RFX7: variants seen among roughly 807,000 people sequenced by gnomAD.
The protein encoded by RFX7 is DNA-binding protein RFX7.
Under a neutral mutation model 111.8 loss-of-function variants are expected in RFX7, and 26 were observed. The observed-to-expected ratio is 0.23, with a 90% CI of 0.17 to 0.32. RFX7 has a LOEUF of 0.32. RFX7 is among the 10% of genes least tolerant of loss of function. RFX7 has a pLI of 1.00. For missense variants in RFX7, 1,573 were observed against 1,772.9 expected (o/e 0.89, Z 2.02); for synonymous variants, 624 against 624.4 (o/e 1.00, Z 0.01).
chr15:56,227,026 C>T (rs2043493230), intron 2 of RFX7, among the ~76,000 whole-genome samples: 1 of 152,042 alleles, frequency 6.6e-6, no homozygotes, highest in East Asian at 1.9e-4. Flanking sequence ...AATCAGAATC[C>T]ACATAAGAAG....
intron 5 of RFX7, among the ~76,000 whole-genome samples, chr15:56,116,073 C>A (rs773045773): frequency 2.0e-5 from 3 of 152,128 alleles, no homozygotes; most frequent in Non-Finnish European, 4.4e-5. Flanking sequence ...CCTGAGTAAC[C>A]ATCTCTCATC....
intron 2 of RFX7, among the ~76,000 whole-genome samples, chr15:56,183,651 A>AC (rs1408461234): frequency 6.6e-6 from 1 of 151,928 alleles, no homozygotes; most frequent in Non-Finnish European, 1.5e-5. Context: ...TGATTGCATG[A>AC]CCCCCCTTGT....
chr15:56,143,630 TC>T (rs1445957711), intron 4 of RFX7, among the ~76,000 whole-genome samples: 3 of 152,064 alleles, frequency 2.0e-5, no homozygotes, highest in Non-Finnish European at 4.4e-5. Context: ...GTGACATCCA[TC>T]TCAGCTATCT....
At chr15:56,223,777 G>C (rs2043451223) in intron 2 of RFX7, among the ~76,000 whole-genome samples, 1 of 152,014 alleles carries the variant, frequency 6.6e-6, no homozygotes, top group Non-Finnish European at 1.5e-5. Flanking sequence ...TGCTACCTCA[G>C]TTTACTTTAT....
intron 2 of RFX7, among the ~76,000 whole-genome samples, chr15:56,216,696 C>T (rs1346395975): frequency 6.6e-6 from 1 of 152,074 alleles, no homozygotes; most frequent in Admixed American, 6.6e-5. Flanking sequence ...CAACTTTCCC[C>T]CCAAGTACAA....
intron 2 of RFX7, among the ~76,000 whole-genome samples, chr15:56,240,486 C>T (rs1190978851): frequency 6.6e-6 from 1 of 152,066 alleles, no homozygotes; most frequent in African/African-American, 2.4e-5. Context: ...ATACTTTTAT[C>T]AAACCATATT....
chr15:56,223,021 T>C (rs1323666541), intron 2 of RFX7, among the ~76,000 whole-genome samples: 2 of 152,236 alleles, frequency 1.3e-5, no homozygotes, highest in African/African-American at 4.8e-5. Flanking sequence ...TCTTACTCTA[T>C]GGGTAAAGTA....
chr15:56,103,043 T>A (rs781451565), intron 6 of RFX7, among the ~76,000 whole-genome samples: 45 of 152,080 alleles, frequency 3.0e-4, no homozygotes, highest in Non-Finnish European at 4.9e-4. Flanking sequence ...TTCTGTACTC[T>A]GGCTTTAATT....
intron 2 of RFX7, among the ~76,000 whole-genome samples, chr15:56,207,838 A>G (rs560329152): frequency 4.9e-4 from 75 of 152,350 alleles, no homozygotes; most frequent in Non-Finnish European, 9.1e-4. Flanking sequence ...TCAGAGTGGT[A>G]AGATCAGGGG....
At chr15:56,134,658 G>A (rs1329941768) in intron 5 of RFX7, among the ~76,000 whole-genome samples, 1 of 123,478 alleles carries the variant, frequency 8.1e-6, no homozygotes, top group Non-Finnish European at 1.6e-5. Flanking sequence ...TAGGGTACAT[G>A]TGCACATTGT....
chr15:56,147,979 C>T, intron 3 of RFX7, among the ~76,000 whole-genome samples: 1 of 152,206 alleles, frequency 6.6e-6, no homozygotes. Flanking sequence ...AAAGTCTTCA[C>T]TTACTTGAGT....
At chr15:56,157,657 T>C (rs562203985) in intron 3 of RFX7, among the ~76,000 whole-genome samples, 1 of 152,370 alleles carries the variant, frequency 6.6e-6, no homozygotes. Context: ...CTTGGCTCAC[T>C]GCAACCTCCA....
chr15:56,088,472 TCTC>T lies in RFX7; in HGVS notation c.*4870_*4872del, dbSNP rs1177388757. 7 of 152,182 alleles carry T rather than the reference TCTC, an allele frequency of 4.6e-5. No individual in the cohort carries two copies. The highest frequency in any genetic ancestry group is 2.1e-4 in the South Asian group (1 of 4,834). 9.4% of individuals were successfully genotyped at this position (152,182 alleles called of 1,614,324 possible). A position where few individuals can be genotyped will look rare whatever the true frequency, so the allele number is the denominator to read the frequency against. On this transcript the variant is annotated 3_prime_UTR_variant, in exon 10 of 10. Coordinates refer to ENST00000559447, the MANE Select transcript of RFX7 (RefSeq NM_022841.7). ...ATATATTTTATTTATATGACTCTCT[TCTC>T]CTCTCCAAGAATTAAGTACTTCTTA... is the stretch of plus-strand genomic sequence containing the variant.
intron 3 of RFX7, among the ~76,000 whole-genome samples, chr15:56,146,111 T>G (rs2042465402): frequency 6.6e-6 from 1 of 152,114 alleles, no homozygotes; most frequent in Non-Finnish European, 1.5e-5. Flanking sequence ...GTCAAATTGT[T>G]TTTTTTAAGA....
intron 2 of RFX7, among the ~76,000 whole-genome samples, chr15:56,203,577 G>C (rs1162707332): frequency 1.3e-5 from 2 of 152,136 alleles, no homozygotes; most frequent in Non-Finnish European, 2.9e-5. Flanking sequence ...GTCACAGTAT[G>C]AGATGGGAGG....
chr15:56,159,040 T>C (rs1347422719), intron 3 of RFX7, among the ~76,000 whole-genome samples: 4 of 152,180 alleles, frequency 2.6e-5, no homozygotes, highest in Non-Finnish European at 5.9e-5. Context: ...TTTTACTCTC[T>C]ATGTATGTGA....
In RFX7 at chr15:56,093,587, A is replaced by G. The variant is rs772971895; in HGVS notation, c.4141T>C (p.Ser1381Pro). ...TCAGAAGACAACCTGATATCGCTAGAGAAATCAGATGCAGTATTAGTGAGA... is the reference window on the plus strand; with the variant it reads ...TCAGAAGACAACCTGATATCGCTAGGGAAATCAGATGCAGTATTAGTGAGA... ...SDLTNTASDF[S>P]SDIRLSSELS... Residue 1381 changes from serine to proline, a missense_variant, in exon 10 of 10, where the codon TCT becomes CCT. Transcript: ENST00000559447. 3.1e-6 allele frequency: 5 copies of G among 1,613,804 alleles called. No individual in the cohort carries two copies. Among genetic ancestry groups the G allele is most frequent in the Non-Finnish European group, 4.2e-6 (5 of 1,179,754 alleles).
At chr15:56,204,525 A>G (rs1226000743) in intron 2 of RFX7, among the ~76,000 whole-genome samples, 1 of 152,214 alleles carries the variant, frequency 6.6e-6, no homozygotes, top group Non-Finnish European at 1.5e-5. Context: ...TCAGTGCCAG[A>G]GTATTTGTAA....
At position 56,142,813 on chromosome 15, in the gene RFX7, A is replaced by G. The variant is rs1245937610; in HGVS notation, c.366T>C (p.Thr122=). 5 of 1,613,406 alleles carry G rather than the reference A, an allele frequency of 3.1e-6. No individual in the cohort carries two copies. Among genetic ancestry groups the G allele is most frequent in the Non-Finnish European group, 3.4e-6 (4 of 1,179,690 alleles). ...CATAGACTTCCTGTTTGGGCAGTGAAGTCTCCGGATGTTCCTCTAGGGTAT... is the reference window on the plus strand; with the variant it reads ...CATAGACTTCCTGTTTGGGCAGTGAGGTCTCCGGATGTTCCTCTAGGGTAT... The part of the protein sequence containing the change: ...IRNTLEEHPE[T]SLPKQEVYDE... Residue 122 remains threonine (T), a synonymous_variant, in exon 5 of 10, where the codon ACT becomes ACC. Transcript: ENST00000559447.
Sources: allele counts gnomAD v4.1 joint callset (sites outside exome capture counted in the v4.1 genomes callset), GRCh38; gene constraint gnomAD v4.1.1; transcripts MANE v1.5; gene names NCBI Gene and HGNC (gene_info 2026-07-23, HGNC 2026-07-21).